CNTN5: variants seen among roughly 807,000 people sequenced by gnomAD.
CNTN5 encodes the protein contactin 5.
Under a neutral mutation model 129.1 loss-of-function variants are expected in CNTN5, and 77 were observed. The observed-to-expected ratio is 0.60, with a 90% CI of 0.50 to 0.72. The LOEUF (loss-of-function observed/expected upper bound fraction) is 0.72. CNTN5 is among the 30% of genes least tolerant of loss of function. CNTN5 has a pLI of 0.00. For missense variants in CNTN5, 1,478 were observed against 1,328.8 expected (o/e 1.11, Z -1.75); for synonymous variants, 509 against 465.6 (o/e 1.09, Z -1.20).
chr11:99,826,294 G>T (rs1307830970), intron 4 of CNTN5, among the ~76,000 whole-genome samples: 1 of 152,052 alleles, frequency 6.6e-6, no homozygotes, highest in Non-Finnish European at 1.5e-5. Context: ...TTACAGTTCT[G>T]TTGGGGCTAT....
chr11:99,800,518 T>C (rs1446088021), intron 3 of CNTN5, among the ~76,000 whole-genome samples: 4 of 152,142 alleles, frequency 2.6e-5, no homozygotes, highest in Non-Finnish European at 5.9e-5. Context: ...CTTGATGATC[T>C]GTCTGATGCT....
At chr11:99,311,929 C>G (rs1284972916) in intron 1 of CNTN5, among the ~76,000 whole-genome samples, 2 of 152,108 alleles carry the variant, frequency 1.3e-5, no homozygotes, top group Non-Finnish European at 2.9e-5. Context: ...GTATAACTTG[C>G]CAAATTCTTT....
chr11:99,772,330 A>T (rs951288892), intron 3 of CNTN5, among the ~76,000 whole-genome samples: 5 of 152,074 alleles, frequency 3.3e-5, no homozygotes, highest in Non-Finnish European at 7.4e-5. Context: ...GAATGTATGT[A>T]AGGTGGCGTT....
intron 1 of CNTN5, among the ~76,000 whole-genome samples, chr11:99,315,585 T>G (rs1865304870): frequency 6.7e-6 from 1 of 148,336 alleles, no homozygotes; most frequent in Admixed American, 6.7e-5. Flanking sequence ...ACAAGGAACA[T>G]TACTTTATAT....
chr11:99,789,620 T>G (rs1409912660), intron 3 of CNTN5, among the ~76,000 whole-genome samples: 1 of 152,008 alleles, frequency 6.6e-6, no homozygotes, highest in African/African-American at 2.4e-5. Flanking sequence ...CTTAAAACAT[T>G]GCTTCCTGTT....
At chr11:99,890,573 GTGTA>G (rs1386020976) in intron 6 of CNTN5, among the ~76,000 whole-genome samples, 2 of 150,528 alleles carry the variant, frequency 1.3e-5, no homozygotes, top group African/African-American at 5.0e-5. Context: ...ACATGTGTGT[GTGTA>G]TATATACATA....
chr11:99,813,121 T>C (rs1946479956), intron 3 of CNTN5, among the ~76,000 whole-genome samples: 1 of 152,140 alleles, frequency 6.6e-6, no homozygotes, highest in Non-Finnish European at 1.5e-5. Flanking sequence ...TAACCCATCG[T>C]AGGCATTCAT....
intron 9 of CNTN5, among the ~76,000 whole-genome samples, chr11:100,006,315 A>G (rs922932314): frequency 3.3e-5 from 5 of 152,098 alleles, no homozygotes; most frequent in African/African-American, 1.2e-4. Context: ...GAAGACAACA[A>G]TAAGGTTTGT....
chr11:100,351,749 T>C (rs192295974), intron 24 of CNTN5, among the ~76,000 whole-genome samples: 25 of 151,446 alleles, frequency 1.7e-4, no homozygotes, highest in African/African-American at 6.0e-4. Context: ...CATTTTCTCA[T>C]GTACAATTAG....
intron 3 of CNTN5, among the ~76,000 whole-genome samples, chr11:99,628,856 T>G (rs1007215898): frequency 6.6e-6 from 1 of 152,034 alleles, no homozygotes; most frequent in African/African-American, 2.4e-5. Flanking sequence ...CAAAGTTGTT[T>G]ACAAACCTCA....
chr11:99,866,714 A>G (rs184853240), intron 6 of CNTN5, among the ~76,000 whole-genome samples: 1 of 152,300 alleles, frequency 6.6e-6, no homozygotes, highest in African/African-American at 2.4e-5. Flanking sequence ...CTTATTTGCT[A>G]TTGTGACCAT....
intron 8 of CNTN5, among the ~76,000 whole-genome samples, chr11:99,992,668 GGC>G (rs1182747233): frequency 1.3e-5 from 2 of 152,094 alleles, no homozygotes; most frequent in African/African-American, 2.4e-5. Context: ...CTGGTGTTTT[GGC>G]TCTCTGTTCT....
chr11:99,965,546 C>A (rs930889034), intron 8 of CNTN5, among the ~76,000 whole-genome samples: 4 of 152,190 alleles, frequency 2.6e-5, no homozygotes, highest in Middle Eastern at 3.4e-3. Context: ...AATTTCTGTT[C>A]TTTTGCATTT....
intron 15 of CNTN5, among the ~76,000 whole-genome samples, chr11:100,204,869 T>C (rs1000270368): frequency 6.6e-6 from 1 of 152,002 alleles, no homozygotes; most frequent in Non-Finnish European, 1.5e-5. Context: ...GCCCTACATA[T>C]ATGTATGTAT....
intron 6 of CNTN5, among the ~76,000 whole-genome samples, chr11:99,851,607 T>A (rs936157070): frequency 6.6e-6 from 1 of 152,240 alleles, no homozygotes; most frequent in African/African-American, 2.4e-5. Context: ...AATCTCCTTA[T>A]GCTGTCTCTT....
intron 6 of CNTN5, among the ~76,000 whole-genome samples, chr11:99,892,313 A>G (rs1469389737): frequency 2.0e-5 from 3 of 152,168 alleles, no homozygotes; most frequent in Non-Finnish European, 4.4e-5. Context: ...TTTGCTCTGC[A>G]GAAGCTCTTT....
At chr11:100,051,340 G>T (rs1198624661) in intron 9 of CNTN5, among the ~76,000 whole-genome samples, 1 of 151,786 alleles carries the variant, frequency 6.6e-6, no homozygotes, top group Non-Finnish European at 1.5e-5. Context: ...AATAACAAAA[G>T]AATACTTTAA....
intron 1 of CNTN5, among the ~76,000 whole-genome samples, chr11:99,156,633 A>G (rs1418801146): frequency 6.6e-6 from 1 of 152,006 alleles, no homozygotes; most frequent in East Asian, 1.9e-4. Context: ...TTAGCATTTC[A>G]TCCTATAATT....
intron 3 of CNTN5, among the ~76,000 whole-genome samples, chr11:99,776,508 C>T (rs1232863693): frequency 6.6e-6 from 1 of 151,522 alleles, no homozygotes. Flanking sequence ...ATAACTCATA[C>T]TGAGCTTAAA....
Sources: allele counts gnomAD v4.1 joint callset (sites outside exome capture counted in the v4.1 genomes callset), GRCh38; gene constraint gnomAD v4.1.1; transcripts MANE v1.5; gene names NCBI Gene and HGNC (gene_info 2026-07-23, HGNC 2026-07-21).